Variants in CRYZL1 observed in about 807,000 individuals in gnomAD.
CRYZL1 encodes ferry endosomal RAB5 effector complex subunit 4.
In CRYZL1, 34 loss-of-function variants were observed where a neutral mutation model predicts 50.6. The observed-to-expected ratio is 0.67, with a 90% CI of 0.51 to 0.89. CRYZL1 has a LOEUF of 0.89. Among genes scored for constraint, CRYZL1 ranks in the 40% least tolerant of loss-of-function variants. CRYZL1 has a pLI of 0.00. For missense variants in CRYZL1, 354 were observed against 402.3 expected (o/e 0.88, Z 1.03); for synonymous variants, 125 against 134.3 (o/e 0.93, Z 0.48).
At chr21:33,612,739 T>C (rs2086886586) in intron 6 of CRYZL1, among the ~76,000 whole-genome samples, 1 of 152,198 alleles carries the variant, frequency 6.6e-6, no homozygotes, top group African/African-American at 2.4e-5. Context: ...GTACTTTAAA[T>C]ATTCAAAAAA....
chr21:33,609,551 T>C (rs1266346250), intron 6 of CRYZL1, among the ~76,000 whole-genome samples: 2 of 152,132 alleles, frequency 1.3e-5, no homozygotes, highest in Non-Finnish European at 2.9e-5. Context: ...GCTCAAGCAA[T>C]TGGCTCTGCC....
chr21:33,639,180 A>AT (rs2145969226), intron 1 of CRYZL1, among the ~76,000 whole-genome samples: 1 of 152,098 alleles, frequency 6.6e-6, no homozygotes, highest in South Asian at 2.1e-4. Context: ...TTATCTGTTG[A>AT]TTTTCAGGTG....
At chr21:33,591,637 T>C (rs2086643625) in intron 11 of CRYZL1, 1 of 194,796 alleles carries the variant, frequency 5.1e-6, no homozygotes, top group African/African-American at 2.4e-5. Context: ...CAAAATTTGT[T>C]TGCAGAAGCC....
In CRYZL1 at chr21:33,597,320, C is replaced by T; in HGVS notation, c.758G>A (p.Gly253Asp). 1.9e-6 allele frequency: 3 copies of T among 1,613,108 alleles called. No homozygotes were observed. Among genetic ancestry groups the T allele is most frequent in the Non-Finnish European group, 2.5e-6 (3 of 1,179,150 alleles). The stretch of plus-strand genomic sequence containing the variant: ...TGTTGTTACCCAGTGGCCTCCAACA[C>T]CAAGAAGTGTGATGATATCATGTTT... ...PHKHDIITLL[G>D]VGGHWVTTEE... Residue 253 changes from glycine to aspartate, a missense_variant, in exon 10 of 13, where the codon GGT (glycine) becomes GAT (aspartate). Gly to Asp is a moderately conservative substitution (Grantham distance 94, BLOSUM62 -1). Coordinates refer to ENST00000381554, the MANE Select transcript of CRYZL1 (RefSeq NM_145858.3).
At chr21:33,633,846 C>T (rs2087169217) in intron 1 of CRYZL1, 2 of 152,208 alleles carry the variant, frequency 1.3e-5, no homozygotes, top group African/African-American at 4.8e-5. Flanking sequence ...GATAGCAGAG[C>T]ATGAAATCAA....
chr21:33,621,405 C>G (rs1331220327), intron 4 of CRYZL1, among the ~76,000 whole-genome samples: 1 of 150,690 alleles, frequency 6.6e-6, no homozygotes, highest in Non-Finnish European at 1.5e-5. Flanking sequence ...GCAGTGGCGC[C>G]ATCTCGGCTC....
chr21:33,591,097 G>C, intron 12 of CRYZL1, 65 bp downstream of exon 12: 1 of 1,185,496 alleles, frequency 8.4e-7, no homozygotes, highest in Non-Finnish European at 1.3e-6. Flanking sequence ...AAGTGGGACT[G>C]CCTGCCTTAG....
chr21:33,599,428 C>T (rs2086728354), intron 8 of CRYZL1, 180 bp from the exon 9 acceptor site: 2 of 802,138 alleles, frequency 2.5e-6, no homozygotes, highest in South Asian at 1.6e-5. Flanking sequence ...TCTCATCTAA[C>T]CCAATATGGG....
intron 1 of CRYZL1, among the ~76,000 whole-genome samples, chr21:33,632,485 C>G (rs183329339): frequency 6.6e-6 from 1 of 151,880 alleles, no homozygotes; most frequent in African/African-American, 2.4e-5. Context: ...TCAAGCGATC[C>G]GCCTGCCTCA....
intron 5 of CRYZL1, 88 bp from the exon 6 acceptor site, chr21:33,613,694 G>A: frequency 1.1e-6 from 1 of 943,060 alleles, no homozygotes; most frequent in South Asian, 1.4e-5. Flanking sequence ...TTTGTTCAGT[G>A]AAATTTTGAG....
chr21:33,601,381 T>A (rs1386879481), intron 8 of CRYZL1, among the ~76,000 whole-genome samples: 1 of 152,180 alleles, frequency 6.6e-6, no homozygotes, highest in Non-Finnish European at 1.5e-5. Flanking sequence ...AGCTTTACTG[T>A]CAGACAGGCC....
chr21:33,628,603 CTTT>C (rs35970580), intron 2 of CRYZL1, among the ~76,000 whole-genome samples: 27 of 120,354 alleles, frequency 2.2e-4, no homozygotes, highest in Admixed American at 3.3e-4. Context: ...TAATTTCTTT[CTTT>C]TTTTTTTTTT....
chr21:33,603,854 G>C (rs911820735), intron 6 of CRYZL1, among the ~76,000 whole-genome samples: 1 of 152,230 alleles, frequency 6.6e-6, no homozygotes, highest in African/African-American at 2.4e-5. Flanking sequence ...GGTGGAGAGA[G>C]AGCACAACCA....
chr21:33,633,483 C>T (rs1175068592), intron 1 of CRYZL1, among the ~76,000 whole-genome samples: 2 of 151,864 alleles, frequency 1.3e-5, no homozygotes, highest in African/African-American at 4.8e-5. Flanking sequence ...GGCGCAGTCT[C>T]GGCTCACTGC....
Position 33,604,308 on chromosome 21 carries a change from C to T in CRYZL1, c.332-771G>A, listed in dbSNP as rs2086788398. ...GAGGCAGAGCTTGTAGCGAGCAGAG[C>T]TCATGCCAATGCACTCCAGCCTGGG... is the stretch of plus-strand genomic sequence containing the variant. On this transcript the variant is annotated intron_variant, in intron 6 of 12. Coordinates refer to ENST00000381554, the MANE Select transcript of CRYZL1 (RefSeq NM_145858.3). Among the ~76,000 whole-genome samples, 3 of 133,478 alleles carry T rather than the reference C, an allele frequency of 2.2e-5. No homozygotes were observed. The Admixed American group carries it at 2.5e-4, about 11-fold the overall frequency. 87.6% of individuals were successfully genotyped at this position (133,478 alleles called of 152,430 possible). A position where few individuals can be genotyped will look rare whatever the true frequency, so the allele number is the denominator to read the frequency against.
chr21:33,626,047 G>A (rs1489244237), intron 2 of CRYZL1, among the ~76,000 whole-genome samples: 2 of 151,052 alleles, frequency 1.3e-5, no homozygotes, highest in Non-Finnish European at 3.0e-5. Flanking sequence ...TCTGCCTCCC[G>A]AGTTCAAGTG....
rs191142118 is a variant in CRYZL1 at position 33,591,112 on chromosome 21, C to T, written c.950+50G>A. ...AAGTGGGACTGCCTGCCTTAGCTCCCTGAAAATAGAAAAACAAACAAGAAC... is the reference window on the plus strand; with the variant it reads ...AAGTGGGACTGCCTGCCTTAGCTCCTTGAAAATAGAAAAACAAACAAGAAC... On this transcript the variant is annotated intron_variant, in intron 12 of 12. Coordinates refer to ENST00000381554, the MANE Select transcript of CRYZL1 (RefSeq NM_145858.3). The T allele has an allele frequency of 7.0e-5, 101 of 1,442,844 alleles. No individual in the cohort carries two copies. The Admixed American group carries it at 7.4e-4, about 11-fold the overall frequency. The allele number at this position is 1,442,844 out of a possible 1,614,324, so 89.4% of individuals were successfully genotyped here.
chr21:33,613,101 C>T (rs959119729), intron 6 of CRYZL1, among the ~76,000 whole-genome samples: 12 of 152,208 alleles, frequency 7.9e-5, no homozygotes, highest in African/African-American at 2.9e-4. Context: ...GCTGGGATTA[C>T]AGGTGTGAGC....
At chr21:33,612,955 C>T (rs2086889526) in intron 6 of CRYZL1, among the ~76,000 whole-genome samples, 1 of 152,060 alleles carries the variant, frequency 6.6e-6, no homozygotes, top group African/African-American at 2.4e-5. Flanking sequence ...TCCTGAGTAG[C>T]TGGAATTATA....
Sources: allele counts gnomAD v4.1 joint callset (sites outside exome capture counted in the v4.1 genomes callset), GRCh38; gene constraint gnomAD v4.1.1; transcripts MANE v1.5; gene names NCBI Gene and HGNC (gene_info 2026-07-23, HGNC 2026-07-21).